Variants in PTCHD4 observed in about 807,000 individuals in gnomAD.
PTCHD4 encodes the protein patched domain-containing protein 4.
Under a neutral mutation model 58.1 loss-of-function variants are expected in PTCHD4, and 33 were observed. The observed-to-expected ratio is 0.57, with a 90% CI of 0.43 to 0.76. PTCHD4 has a LOEUF of 0.76. PTCHD4 is among the 30% of genes least tolerant of loss of function. The pLI is 0.00. For synonymous variants in PTCHD4, 478 were observed against 409.6 expected (o/e 1.17, Z -2.02); for missense variants, 1,058 against 1,027.1 (o/e 1.03, Z -0.41).
chr6:48,099,677 A>G (rs1183982824), intron 1 of PTCHD4, among the ~76,000 whole-genome samples: 5 of 152,230 alleles, frequency 3.3e-5, no homozygotes, highest in East Asian at 1.9e-4. Context: ...TGCAGCATCT[A>G]TAGGGTCAGT....
At chr6:48,057,310 A>T (rs1764446300) in intron 3 of PTCHD4, among the ~76,000 whole-genome samples, 1 of 151,932 alleles carries the variant, frequency 6.6e-6, no homozygotes, top group African/African-American at 2.4e-5. Context: ...AAATCATAGG[A>T]TATCAGACTG....
At chr6:47,991,467 T>C (rs1768278200) in intron 4 of PTCHD4, among the ~76,000 whole-genome samples, 1 of 151,982 alleles carries the variant, frequency 6.6e-6, no homozygotes, top group Non-Finnish European at 1.5e-5. Flanking sequence ...TCTAGAGAAC[T>C]AAATAATGTT....
rs771724630 is a variant in PTCHD4 at position 48,068,306 on chromosome 6, A to G, written c.341T>C (p.Leu114Pro). 6.2e-7 allele frequency: 1 copy of G among 1,612,636 alleles called. No homozygotes were observed. Among genetic ancestry groups the G allele is most frequent in the Non-Finnish European group, 8.5e-7 (1 of 1,178,972 alleles). Residue 114 changes from leucine (L) to proline (P), a missense_variant, in exon 3 of 5, where the codon CTC becomes CCC. Coordinates refer to ENST00000339488, the MANE Select transcript of PTCHD4 (RefSeq NM_001384253.1). The surrounding 1 kb of genome is among the most constrained non-coding windows in gnomAD (Gnocchi z 4.2). ...TPGRYGRVILLSPTGDNILLQ... is the reference protein window; with the variant it reads ...TPGRYGRVILPSPTGDNILLQ... ...CAAAATATTGTCCCCGGTTGGGGAG[A>G]GGAGGATCACCCTGCCATACCTCCC...
chr6:47,975,105 A>G (rs1440123385), intron 4 of PTCHD4, among the ~76,000 whole-genome samples: 1 of 150,124 alleles, frequency 6.7e-6, no homozygotes, highest in Non-Finnish European at 1.5e-5. Context: ...CTTAAAAATT[A>G]TCTCCTTATC....
chr6:48,098,612 T>G (rs981988161), intron 1 of PTCHD4, among the ~76,000 whole-genome samples: 1 of 152,226 alleles, frequency 6.6e-6, no homozygotes, highest in African/African-American at 2.4e-5. Flanking sequence ...GTGCTGGGAT[T>G]ACAGGCGTGG....
chr6:48,061,567 G>A (rs900372720), intron 3 of PTCHD4, among the ~76,000 whole-genome samples: 1 of 152,204 alleles, frequency 6.6e-6, no homozygotes. Context: ...ATCATCTGGG[G>A]AGCTTGTTGA....
chr6:47,905,751 A>G (rs1214830935), intron 4 of PTCHD4, among the ~76,000 whole-genome samples: 1 of 152,204 alleles, frequency 6.6e-6, no homozygotes, highest in East Asian at 1.9e-4. Context: ...GCCCTCGATC[A>G]TGTCACTGAA....
At chr6:47,907,468 G>A (rs1764928230) in intron 4 of PTCHD4, among the ~76,000 whole-genome samples, 1 of 152,174 alleles carries the variant, frequency 6.6e-6, no homozygotes, top group South Asian at 2.1e-4. Flanking sequence ...AAGGAGGAAT[G>A]AAGAGAATAG....
chr6:48,038,713 A>T (rs1358362981), intron 3 of PTCHD4, among the ~76,000 whole-genome samples: 1 of 150,734 alleles, frequency 6.6e-6, no homozygotes, highest in African/African-American at 2.4e-5. Flanking sequence ...ATAAGGATTG[A>T]TGTTGATTTA....
At chr6:47,955,322 G>T (rs1269131770) in intron 4 of PTCHD4, among the ~76,000 whole-genome samples, 2 of 152,146 alleles carry the variant, frequency 1.3e-5, no homozygotes, top group Non-Finnish European at 2.9e-5. Context: ...TATCTTATTT[G>T]GGCAGATGAG....
At chr6:48,051,475 A>G (rs1764233079) in intron 3 of PTCHD4, among the ~76,000 whole-genome samples, 2 of 151,976 alleles carry the variant, frequency 1.3e-5, no homozygotes, top group South Asian at 4.1e-4. Context: ...CACACTAGGG[A>G]AAAAAGACCA....
intron 1 of PTCHD4, among the ~76,000 whole-genome samples, chr6:48,093,891 C>G (rs1199127698): frequency 6.6e-6 from 1 of 152,040 alleles, no homozygotes; most frequent in African/African-American, 2.4e-5. Flanking sequence ...ATTTATTGAC[C>G]ATCCCATGAG....
At chr6:47,916,095 C>T (rs1004641830) in intron 4 of PTCHD4, among the ~76,000 whole-genome samples, 14 of 151,994 alleles carry the variant, frequency 9.2e-5, no homozygotes, top group Non-Finnish European at 1.9e-4. Context: ...TCTGCCAATC[C>T]CACAAAGTGC....
chr6:47,987,418 T>G (rs1768108192), intron 4 of PTCHD4, among the ~76,000 whole-genome samples: 1 of 148,996 alleles, frequency 6.7e-6, no homozygotes, highest in African/African-American at 2.5e-5. Flanking sequence ...AAAAAAAAGA[T>G]TAAAAAAAAA....
chr6:48,050,706 G>A (rs1457960032), intron 3 of PTCHD4, among the ~76,000 whole-genome samples: 2 of 151,958 alleles, frequency 1.3e-5, no homozygotes, highest in Non-Finnish European at 1.5e-5. Flanking sequence ...TGGTGGAACT[G>A]CTCCCATAGA....
intron 4 of PTCHD4, among the ~76,000 whole-genome samples, chr6:47,920,062 T>C (rs775017171): frequency 3.0e-4 from 46 of 152,134 alleles, no homozygotes; most frequent in Non-Finnish European, 5.1e-4. Flanking sequence ...AGAGCCTCCC[T>C]GTTAGAAATA....
At chr6:48,085,116 C>A (rs1270140108) in intron 1 of PTCHD4, among the ~76,000 whole-genome samples, 2 of 151,042 alleles carry the variant, frequency 1.3e-5, no homozygotes, top group Non-Finnish European at 2.9e-5. Flanking sequence ...GTTAAGTCTG[C>A]AAGAGTGAAG....
rs765911544 is a variant in PTCHD4, at chr6:47,859,892, G to C, written c.*18411C>G. 7.9e-5 allele frequency among the ~76,000 whole-genome samples: 12 copies of C among 152,110 alleles called. No individual in the cohort carries two copies. Among genetic ancestry groups the C allele is most frequent in the South Asian group, 2.1e-4 (1 of 4,828 alleles). On this transcript the variant is annotated 3_prime_UTR_variant, in exon 5 of 5. Transcript: ENST00000339488. Reference sequence around the variant, plus strand: ...GAACTGCAATGACAAAAGACCAAAGGGGGTGCATGGTTGATGCAGAGAGAA... The same window carrying C: ...GAACTGCAATGACAAAAGACCAAAGCGGGTGCATGGTTGATGCAGAGAGAA...
chr6:47,878,911 G>C lies in PTCHD4; in HGVS notation c.1924C>G (p.Pro642Ala). Residue 642 changes from proline to alanine, a missense_variant, in exon 5 of 5, where the codon CCC becomes GCC. Pro to Ala is a conservative substitution (Grantham distance 27). Coordinates refer to ENST00000339488, the MANE Select transcript of PTCHD4 (RefSeq NM_001384253.1). ...TAATGGTCCATGAAGACAAAGGAGG[G>C]GTTGAACACGATGAATCGGATGCTC... ...SKSIRFIVFNPSFVFMDHYSL... is the reference protein window; with the variant it reads ...SKSIRFIVFNASFVFMDHYSL... 6.2e-7 allele frequency: 1 copy of C among 1,613,472 alleles called. No homozygotes were observed. The highest frequency in any genetic ancestry group is 8.5e-7 in the Non-Finnish European group (1 of 1,179,756).
Sources: allele counts gnomAD v4.1 joint callset (sites outside exome capture counted in the v4.1 genomes callset), GRCh38; gene constraint gnomAD v4.1.1; non-coding constraint Gnocchi (gnomAD v3.1); transcripts MANE v1.5; gene names NCBI Gene and HGNC (gene_info 2026-07-23, HGNC 2026-07-21).